The following OVCH1 variants were observed in gnomAD, a reference collection of about 807,000 sequenced individuals.
OVCH1 encodes the protein ovochymase-1.
OVCH1 carries 139 observed loss-of-function variants against 138.4 expected under a neutral mutation model. The observed-to-expected ratio is 1.00, with a 90% CI of 0.87 to 1.16. The LOEUF (loss-of-function observed/expected upper bound fraction) is 1.16. OVCH1 is among the 50% of genes most tolerant of loss of function. The pLI is 0.00. For synonymous variants in OVCH1, 453 were observed against 467.8 expected, an observed-to-expected ratio of 0.97 and a Z score of 0.41; for missense variants, 1,367 against 1,357.9, an observed-to-expected ratio of 1.01 and a Z score of -0.11.
At chr12:29,417,783 G>C (rs5025327) in intron 3 of OVCH1, among the ~76,000 whole-genome samples, 96 of 121,042 alleles carry the variant, frequency 7.9e-4, no homozygotes, top group Non-Finnish European at 2.1e-4. Context: ...GTGTGTGTGT[G>C]TGTGTGTGTG....
At position 29,486,263 on chromosome 12, in the gene OVCH1, G is replaced by T. The variant is rs775207246; in HGVS notation, c.978C>A (p.Ser326Arg). 56 of 1,612,900 alleles carry T rather than the reference G, an allele frequency of 3.5e-5. No individual in the cohort carries two copies. Among genetic ancestry groups the T allele is most frequent in the Non-Finnish European group, 4.7e-5 (55 of 1,179,118 alleles). Reference sequence around the variant, plus strand: ...AACCACACATACCCTTTCCTCTCTGGCTTCCATTCACTTCTTGGACAGAAC... The same window carrying T: ...AACCACACATACCCTTTCCTCTCTGTCTTCCATTCACTTCTTGGACAGAAC... Residue 326 changes from serine (S) to arginine (R), a missense_variant, in exon 8 of 28, where the codon AGC becomes AGA. Coordinates refer to ENST00000318184, the Ensembl canonical transcript of OVCH1.
At chr12:29,464,335 T>G in intron 18 of OVCH1, 172 bp downstream of exon 18, 1 of 798,868 alleles carries the variant, frequency 1.3e-6, no homozygotes, top group East Asian at 2.7e-5. Context: ...AGGAAAAGTT[T>G]TAAATAGCTC....
intron 5 of OVCH1, among the ~76,000 whole-genome samples, chr12:29,490,077 T>G (rs1427844751): frequency 6.6e-6 from 1 of 152,174 alleles, no homozygotes; most frequent in Non-Finnish European, 1.5e-5. Context: ...AAAAATGATT[T>G]TTTTAAGACA....
At chr12:29,441,258 G>C (rs1190245653) in intron 25 of OVCH1, among the ~76,000 whole-genome samples, 2 of 152,088 alleles carry the variant, frequency 1.3e-5, no homozygotes, top group South Asian at 2.1e-4. Context: ...CATGGCACTG[G>C]TACCAAAACA....
At chr12:29,467,927 T>C (rs962435214) in intron 16 of OVCH1, among the ~76,000 whole-genome samples, 1 of 152,118 alleles carries the variant, frequency 6.6e-6, no homozygotes, top group Admixed American at 6.6e-5. Context: ...ACATAGGGTT[T>C]TTGTTACACC....
At chr12:29,414,743 A>AT (rs1565560495) in intron 3 of OVCH1, among the ~76,000 whole-genome samples, 16 of 151,464 alleles carry the variant, frequency 1.1e-4, no homozygotes, top group East Asian at 3.9e-4. Context: ...CTGGAAAAAA[A>AT]AAATATATAT....
intron 22 of OVCH1, among the ~76,000 whole-genome samples, chr12:29,445,926 T>C (rs1255895704): frequency 6.6e-6 from 1 of 152,126 alleles, no homozygotes; most frequent in East Asian, 1.9e-4. Context: ...GTGAGTTTCT[T>C]AGGATCAAAC....
chr12:29,439,504 T>G, intron 25 of OVCH1: 3 of 1,369,946 alleles, frequency 2.2e-6, no homozygotes, highest in Non-Finnish European at 2.8e-6. Context: ...AAAAACAAAC[T>G]TCTCTACACC....
At chr12:29,423,392 G>C, downstream of OVCH1, 1 of 405,962 alleles carries the variant, frequency 2.5e-6, no homozygotes, top group South Asian at 1.8e-5. Context: ...ATTCCAAACT[G>C]TTGATATTAA....
chr12:29,431,189 C>T (rs1343278202), intron 27 of OVCH1, among the ~76,000 whole-genome samples: 1 of 152,184 alleles, frequency 6.6e-6, no homozygotes, highest in Non-Finnish European at 1.5e-5. Context: ...GTAATTCCAG[C>T]ACTTTGGGAG....
At chr12:29,436,116 G>T (rs1383208478) in intron 26 of OVCH1, among the ~76,000 whole-genome samples, 1 of 151,678 alleles carries the variant, frequency 6.6e-6, no homozygotes, top group Non-Finnish European at 1.5e-5. Context: ...TTTATTTAAT[G>T]GCTGCATAAA....
intron 3 of OVCH1, among the ~76,000 whole-genome samples, chr12:29,422,380 G>T (rs1941116755): frequency 6.6e-6 from 1 of 152,094 alleles, no homozygotes; most frequent in Non-Finnish European, 1.5e-5. Flanking sequence ...TCTTCAAAGA[G>T]CCCATTCATT....
intron 4 of OVCH1, among the ~76,000 whole-genome samples, chr12:29,494,849 A>G (rs1943370580): frequency 6.6e-6 from 1 of 152,164 alleles, no homozygotes; most frequent in African/African-American, 2.4e-5. Flanking sequence ...GGGGTTGATT[A>G]ACGGATACAA....
At chr12:29,486,187 G>A in intron 8 of OVCH1, 63 bp downstream of exon 8, 5 of 1,435,940 alleles carry the variant, frequency 3.5e-6, no homozygotes, top group Non-Finnish European at 3.9e-6. Flanking sequence ...CAATCCTCCT[G>A]TTTGCTTTCC....
downstream of OVCH1, among the ~76,000 whole-genome samples, chr12:29,423,624 C>A (rs1941136566): frequency 6.6e-6 from 1 of 152,188 alleles, no homozygotes; most frequent in Non-Finnish European, 1.5e-5. Flanking sequence ...ATGGGACAAT[C>A]TGCTCTAAAA....
At chr12:29,436,771 G>C (rs1422361057) in intron 26 of OVCH1, among the ~76,000 whole-genome samples, 2 of 152,128 alleles carry the variant, frequency 1.3e-5, no homozygotes, top group Non-Finnish European at 2.9e-5. Flanking sequence ...GGGTGGGTTT[G>C]TGGTCTCACT....
intron 8 of OVCH1, among the ~76,000 whole-genome samples, chr12:29,482,598 G>T (rs1270801348): frequency 6.6e-6 from 1 of 152,108 alleles, no homozygotes; most frequent in East Asian, 1.9e-4. Context: ...CATCCTGAGG[G>T]TTCAATAGAA....
exon 18 of OVCH1, chr12:29,464,594 C>T (rs759045470): frequency 9.9e-6 from 16 of 1,613,552 alleles, no homozygotes; most frequent in Non-Finnish European, 1.4e-5. Context: ...ACTGGCCTCA[C>T]CACCGAGTTG....
At chr12:29,404,444 T>C in the OVCH1 span, among the ~76,000 whole-genome samples, 1 of 152,252 alleles carries the variant, frequency 6.6e-6, no homozygotes, top group African/African-American at 2.4e-5. Flanking sequence ...TTTATCTCGC[T>C]GATTTCTGCT....
Sources: gnomAD v4.1 joint callset for allele counts (sites outside exome capture counted in the v4.1 genomes callset) on GRCh38, gnomAD v4.1.1 for gene constraint, MANE v1.5 for transcripts, NCBI Gene and HGNC (gene_info 2026-07-23, HGNC 2026-07-21) for gene names.